WNK1: variants seen among roughly 807,000 people sequenced by gnomAD.
WNK1 encodes WNK lysine deficient protein kinase 1, also known as serine/threonine-protein kinase WNK1.
WNK1 carries 38 observed loss-of-function variants against 222.8 expected under a neutral mutation model. The ratio of observed to expected loss-of-function variants is 0.17; its 90% CI spans 0.13 to 0.22. The LOEUF is 0.22. Ranked by LOEUF, WNK1 falls within the 10% of genes least tolerant of loss-of-function variation. The pLI, the probability that WNK1 is intolerant of heterozygous loss-of-function variation, is 1.00. For missense variants in WNK1, 2,348 were observed against 2,918.4 expected (o/e 0.80, Z 4.50); for synonymous variants, 1,090 against 1,092.9 (o/e 1.00, Z 0.05).
intron 4 of WNK1, among the ~76,000 whole-genome samples, chr12:856,439 G>A (rs1255407645): frequency 6.7e-6 from 1 of 148,222 alleles, no homozygotes; most frequent in Non-Finnish European, 1.5e-5. Context: ...GGGCAACAGA[G>A]CAAGACTCCA....
At chr12:822,055 A>G (rs988938657) in intron 2 of WNK1, among the ~76,000 whole-genome samples, 2 of 78,342 alleles carry the variant, frequency 2.6e-5, no homozygotes, top group East Asian at 3.9e-4. Context: ...ATGATTTGCT[A>G]TTTTGCTGTT....
At chr12:834,731 CT>C (rs1470981666) in intron 4 of WNK1, among the ~76,000 whole-genome samples, 1 of 152,074 alleles carries the variant, frequency 6.6e-6, no homozygotes, top group Admixed American at 6.6e-5. Flanking sequence ...AGTACTGGTA[CT>C]GATAGTAGGC....
chr12:889,634 C>T (rs7964502), intron 21 of WNK1, among the ~76,000 whole-genome samples: 58,574 of 151,880 alleles, frequency 0.39, 11,729 homozygotes, highest in East Asian at 0.52. Flanking sequence ...CTGGCTAACA[C>T]GGTGAAACCC....
At chr12:795,524 T>C (rs1390274973) in intron 1 of WNK1, among the ~76,000 whole-genome samples, 5 of 152,116 alleles carry the variant, frequency 3.3e-5, no homozygotes, top group Non-Finnish European at 4.4e-5. Context: ...TTGGTTCTCA[T>C]TCTCTGTCTG....
rs1366530402 is a variant in WNK1 at position 884,701 on chromosome 12, A to T, written c.3897A>T (p.Ser1299=). Residue 1299 remains serine, a synonymous_variant, in exon 19 of 28, where the codon TCA becomes TCT. Coordinates refer to ENST00000315939, the MANE Select transcript of WNK1 (RefSeq NM_018979.4). This position sits in a 1 kb window ranked among gnomAD's most constrained non-coding sequence, Gnocchi z 5.6. ...SPGMNLSHSA[S]SLSLQQAFSE... ...GAATGAACTTGTCTCACTCTGCATC[A>T]TCCCTTAGTCTACAACAGGCCTTTT... 2.5e-6 allele frequency: 4 copies of T among 1,614,064 alleles called. No individual in the cohort carries two copies. The South Asian group carries it at 4.4e-5, about 18-fold the overall frequency.
At chr12:843,657 A>G (rs1011740334) in intron 4 of WNK1, among the ~76,000 whole-genome samples, 1 of 152,256 alleles carries the variant, frequency 6.6e-6, no homozygotes, top group South Asian at 2.1e-4. Context: ...ATAGACCACA[A>G]GAAAGGATAT....
At chr12:822,285 G>C (rs141241530) in intron 2 of WNK1, among the ~76,000 whole-genome samples, 181 of 151,636 alleles carry the variant, frequency 1.2e-3, no homozygotes, top group African/African-American at 3.8e-3. Context: ...GTAGAGACAG[G>C]GTTTCACCAC....
chr12:765,123 T>A (rs1418609624), intron 1 of WNK1, among the ~76,000 whole-genome samples: 1 of 148,234 alleles, frequency 6.7e-6, no homozygotes, highest in Non-Finnish European at 1.5e-5. Context: ...AGCCACTGCG[T>A]CCAGCCTTTA....
intron 13 of WNK1, 60 bp from the exon 14 acceptor site, chr12:881,851 T>C: frequency 1.2e-6 from 2 of 1,613,820 alleles, no homozygotes; most frequent in Non-Finnish European, 1.7e-6. Context: ...AACGCCAAAC[T>C]GTCAGACCTT....
In WNK1 at chr12:753,537, C is replaced by A; in HGVS notation, c.-29C>A. 1.2e-6 allele frequency: 2 copies of A among 1,611,096 alleles called. No individual in the cohort carries two copies. Among genetic ancestry groups the A allele is most frequent in the Non-Finnish European group, 1.7e-6 (2 of 1,179,704 alleles). On this transcript the variant is annotated 5_prime_UTR_variant, in exon 1 of 28. Coordinates refer to ENST00000315939, the MANE Select transcript of WNK1 (RefSeq NM_018979.4). This position sits in a 1 kb window ranked among gnomAD's most constrained non-coding sequence, Gnocchi z 5.2. Reference sequence around the variant, plus strand: ...CGCCCTTTTCGTTCACGAATCCGAGCCCGCTCGCCTCTCTCCAGCGAACCG... The same window carrying A: ...CGCCCTTTTCGTTCACGAATCCGAGACCGCTCGCCTCTCTCCAGCGAACCG...
chr12:865,442 A>G, intron 8 of WNK1: 2 of 1,471,098 alleles, frequency 1.4e-6, no homozygotes, highest in South Asian at 2.7e-5. Flanking sequence ...TTTAATTAAA[A>G]TTGAATAAAG....
At chr12:890,153 A>G (rs908983495) in intron 21 of WNK1, among the ~76,000 whole-genome samples, 3 of 151,790 alleles carry the variant, frequency 2.0e-5, no homozygotes, top group Admixed American at 6.5e-5. Flanking sequence ...GGGTTTCGCC[A>G]TGTTGGCCAG....
At chr12:894,033 C>T (rs12424780) in intron 22 of WNK1, among the ~76,000 whole-genome samples, 15,559 of 151,556 alleles carry the variant, frequency 0.1, 934 homozygotes, top group South Asian at 0.17. Flanking sequence ...GCCTGGACAA[C>T]GTGGTGAAAC....
At chr12:867,780 G>T (rs751552176) in intron 8 of WNK1, 73 of 1,439,428 alleles carry the variant, frequency 5.1e-5, no homozygotes, top group Non-Finnish European at 6.4e-5. Context: ...ATTTCATAGG[G>T]TTACACAGAA....
rs370436557 is a variant in WNK1, at chr12:789,323, T to C, written c.760-24319T>C. Among the ~76,000 whole-genome samples, 6 of 152,254 alleles carry C rather than the reference T, an allele frequency of 3.9e-5. No individual in the cohort carries two copies. The South Asian group carries it at 6.2e-4, about 16-fold the overall frequency. ...GAGAAGCTTAACAGTGTACTATGTA[T>C]AGGTAGATAAGAATAAAGTAAAAGA... On this transcript the variant is annotated intron_variant, in intron 1 of 27. Transcript: ENST00000315939.
In WNK1 at chr12:883,838, T is replaced by C. The variant is rs1250486284; in HGVS notation, c.3721+7T>C. On this transcript the variant is annotated splice_region_variant and intron_variant, in intron 17 of 27. Coordinates refer to ENST00000315939, the MANE Select transcript of WNK1 (RefSeq NM_018979.4). ...TCCATGCCACAGCAAATAGGTGAAT[T>C]TATTTTCTTTCCTTGTTTTTACCTT... is the stretch of plus-strand genomic sequence containing the variant. 2.5e-6 allele frequency: 4 copies of C among 1,613,708 alleles called. No individual in the cohort carries two copies. The highest frequency in any genetic ancestry group is 3.4e-6 in the Non-Finnish European group (4 of 1,180,008).
chr12:804,815 A>T (rs1207875344), intron 1 of WNK1, among the ~76,000 whole-genome samples: 1 of 151,682 alleles, frequency 6.6e-6, no homozygotes, highest in East Asian at 1.9e-4. Flanking sequence ...GACATTATTT[A>T]TCCTTTTGTG....
At chr12:786,375 A>G (rs1463765911) in intron 1 of WNK1, among the ~76,000 whole-genome samples, 1 of 152,156 alleles carries the variant, frequency 6.6e-6, no homozygotes, top group East Asian at 1.9e-4. Context: ...TAAAATATGC[A>G]GCATTTTCTC....
Position 874,979 on chromosome 12 carries a change from T to G in WNK1, c.2224-3233T>G, listed in dbSNP as rs527467697. 2.6e-5 allele frequency among the ~76,000 whole-genome samples: 4 copies of G among 152,242 alleles called. No individual in the cohort carries two copies. The East Asian group carries it at 7.7e-4, about 29-fold the overall frequency. On this transcript the variant is annotated intron_variant, in intron 9 of 27. Coordinates refer to ENST00000315939, the MANE Select transcript of WNK1 (RefSeq NM_018979.4). ...AAAAGGAGGCATTTGAAATGGACTT[T>G]GATTATAAGTTAGACTCAGATGTAG...
Sources: gnomAD v4.1 joint callset for allele counts (sites outside exome capture counted in the v4.1 genomes callset) on GRCh38, gnomAD v4.1.1 for gene constraint, Gnocchi (gnomAD v3.1) non-coding constraint, MANE v1.5 for transcripts, NCBI Gene and HGNC (gene_info 2026-07-23, HGNC 2026-07-21) for gene names.